The following IQSEC1 variants were observed in gnomAD, a reference collection of about 807,000 sequenced individuals.
IQSEC1 encodes the protein IQ motif and Sec7 domain ArfGEF 1.
IQSEC1 carries 31 observed loss-of-function variants against 91.0 expected under a neutral mutation model. That is an observed-to-expected ratio of 0.34 (90% confidence interval 0.26 to 0.46). The LOEUF (loss-of-function observed/expected upper bound fraction) is 0.46. Ranked by LOEUF, IQSEC1 falls within the 20% of genes least tolerant of loss-of-function variation. The pLI is 1.00. For missense variants in IQSEC1, 1,388 were observed against 1,575.6 expected (o/e 0.88, Z 2.02); for synonymous variants, 699 against 662.6 (o/e 1.05, Z -0.84).
rs528935943 is a variant in IQSEC1 at position 13,041,273 on chromosome 3, G to A, written c.23+31719C>T. 3.5e-4 allele frequency among the ~76,000 whole-genome samples: 54 copies of A among 152,204 alleles called. 2 individuals are homozygous for A. The South Asian group carries it at 7.9e-3, about 22-fold the overall frequency. On this transcript the variant is annotated intron_variant, in intron 1 of 13. Transcript: ENST00000613206. ...CAGCGCTCAGGGCCCACTGGGTGTC[G>A]GGCTCCTCTCTGATGTGGCTTGCAC...
At chr3:13,115,853 C>A (rs1015762402) in intron 2 of IQSEC1, among the ~76,000 whole-genome samples, 3 of 152,216 alleles carry the variant, frequency 2.0e-5, no homozygotes, top group African/African-American at 7.2e-5. Context: ...GCCCTGAGCC[C>A]CCAGTGGACC....
At chr3:13,202,844 G>A (rs1694268740) in intron 1 of IQSEC1, among the ~76,000 whole-genome samples, 1 of 152,188 alleles carries the variant, frequency 6.6e-6, no homozygotes. Context: ...TGTGAGGGCT[G>A]GAAAGAGTCA....
At chr3:13,002,345 A>C (rs1195714150) in intron 1 of IQSEC1, among the ~76,000 whole-genome samples, 2 of 152,218 alleles carry the variant, frequency 1.3e-5, no homozygotes, top group Admixed American at 6.5e-5. Flanking sequence ...ATTGGACTTC[A>C]TGAAAATTAA....
chr3:13,238,185 C>A (rs538572695), intron 1 of IQSEC1, among the ~76,000 whole-genome samples: 201 of 152,326 alleles, frequency 1.3e-3, no homozygotes, highest in Non-Finnish European at 2.5e-3. Context: ...GACACATCAG[C>A]CCACGGCGGT....
chr3:12,902,867 CTG>C lies in IQSEC1; in HGVS notation c.2756-47_2756-46del, dbSNP rs796083475. On this transcript the variant is annotated intron_variant, in intron 12 of 13. Transcript: ENST00000613206. Reference sequence around the variant, plus strand: ...CCAGAAGTTAGACGCGGACATGAGGCTGGGGGTGCTGCCTGCCTGGTGCCACG... The same window carrying C: ...CCAGAAGTTAGACGCGGACATGAGGCGGGGTGCTGCCTGCCTGGTGCCACG... 5.5e-6 allele frequency: 8 copies of C among 1,448,698 alleles called. No individual in the cohort carries two copies. The African/African-American group carries it at 8.4e-5, about 15-fold the overall frequency. The allele number at this position is 1,448,698 out of a possible 1,614,324, so 89.7% of individuals were successfully genotyped here. A position where few individuals can be genotyped will look rare whatever the true frequency, so the allele number is the denominator to read the frequency against.
chr3:13,135,154 G>A (rs1222913729), intron 2 of IQSEC1, among the ~76,000 whole-genome samples: 1 of 152,234 alleles, frequency 6.6e-6, no homozygotes, highest in Non-Finnish European at 1.5e-5. Context: ...AATGCGGGCT[G>A]CCTTATAGGC....
At chr3:13,222,780 A>AGG (rs1474212753) in intron 1 of IQSEC1, among the ~76,000 whole-genome samples, 1 of 152,200 alleles carries the variant, frequency 6.6e-6, no homozygotes, top group East Asian at 1.9e-4. Flanking sequence ...CAATGAGCTC[A>AGG]GGACCCACAA....
At chr3:13,252,469 T>A (rs1474923850) in intron 1 of IQSEC1, among the ~76,000 whole-genome samples, 1 of 152,248 alleles carries the variant, frequency 6.6e-6, no homozygotes, top group Non-Finnish European at 1.5e-5. Context: ...GTTGCTTCCA[T>A]CTTTTGGCTG....
In IQSEC1 at chr3:13,008,845, C is replaced by T. The variant is rs1702750420; in HGVS notation, c.23+64147G>A. ...CAGCTAACCCAGTGGGAACCAGACA[C>T]GCTGGCAAACCCCATCCCACGGGCT... On this transcript the variant is annotated intron_variant, in intron 1 of 13. Transcript: ENST00000613206. This position sits in a 1 kb window ranked among gnomAD's most constrained non-coding sequence, Gnocchi z 4.1. 6.6e-6 allele frequency among the ~76,000 whole-genome samples: 1 copy of T among 152,220 alleles called. No homozygotes were observed. The highest frequency in any genetic ancestry group is 2.4e-5 in the African/African-American group (1 of 41,454).
chr3:13,047,538 C>T (rs1233803739), intron 1 of IQSEC1: 51 of 984,444 alleles, frequency 5.2e-5, no homozygotes, highest in Admixed American at 1.2e-4. Flanking sequence ...GTGGCAAAAG[C>T]GAGACAGGGT....
intron 1 of IQSEC1, among the ~76,000 whole-genome samples, chr3:13,254,250 C>T (rs1255780927): frequency 6.6e-6 from 1 of 152,230 alleles, no homozygotes; most frequent in East Asian, 1.9e-4. Flanking sequence ...TGAACCGAGC[C>T]CGCTCCCCAT....
At chr3:12,923,865 G>T (rs1239960610) in intron 4 of IQSEC1, among the ~76,000 whole-genome samples, 2 of 152,236 alleles carry the variant, frequency 1.3e-5, no homozygotes, top group Non-Finnish European at 2.9e-5. Flanking sequence ...ACTTCACCCT[G>T]CTCTGAGTGC....
At chr3:13,230,065 T>C (rs1694817578) in intron 1 of IQSEC1, among the ~76,000 whole-genome samples, 1 of 152,240 alleles carries the variant, frequency 6.6e-6, no homozygotes, top group Non-Finnish European at 1.5e-5. Flanking sequence ...ATAAACTTTA[T>C]TTCTCAACAT....
At chr3:12,954,004 T>C (rs1458053331) in intron 1 of IQSEC1, among the ~76,000 whole-genome samples, 2 of 152,234 alleles carry the variant, frequency 1.3e-5, no homozygotes, top group Non-Finnish European at 2.9e-5. Context: ...TGGCTGGTTC[T>C]CATCAGCGCG....
rs368925086 is a variant in IQSEC1, at chr3:12,940,362, G to A, written c.318+1209C>T. On this transcript the variant is annotated intron_variant, in intron 2 of 13. Coordinates refer to ENST00000613206, the MANE Select transcript of IQSEC1 (RefSeq NM_001134382.3). This position sits in a 1 kb window ranked among gnomAD's most constrained non-coding sequence, Gnocchi z 4.4. ...AACTCTACTCCTTAAAGGACAAAAA[G>A]GGGAGCAACTTGAATCTATACTCCC... Among the ~76,000 whole-genome samples, 4 of 152,124 alleles carry A rather than the reference G, an allele frequency of 2.6e-5. No homozygotes were observed. The highest frequency in any genetic ancestry group is 1.3e-4 in the Admixed American group (2 of 15,292).
At chr3:12,905,047 C>T (rs1231011652) in intron 12 of IQSEC1, among the ~76,000 whole-genome samples, 6 of 152,214 alleles carry the variant, frequency 3.9e-5, no homozygotes, top group African/African-American at 1.4e-4. Flanking sequence ...AGTCCTAGAG[C>T]CCTGTGCTCA....
intron 1 of IQSEC1, among the ~76,000 whole-genome samples, chr3:12,977,849 G>A (rs1471225084): frequency 6.6e-6 from 1 of 152,218 alleles, no homozygotes; most frequent in Non-Finnish European, 1.5e-5. Context: ...CCCAGTGGAA[G>A]GAAGACCTGA....
chr3:12,973,877 C>T (rs1701027002), intron 1 of IQSEC1, among the ~76,000 whole-genome samples: 1 of 152,132 alleles, frequency 6.6e-6, no homozygotes, highest in South Asian at 2.1e-4. Flanking sequence ...CATGTGGGGA[C>T]ACATCCAAGA....
intron 2 of IQSEC1, among the ~76,000 whole-genome samples, chr3:13,096,035 C>G (rs547830082): frequency 1.3e-5 from 2 of 152,340 alleles, no homozygotes; most frequent in Non-Finnish European, 2.9e-5. Flanking sequence ...TCCTTGGTTC[C>G]TCCTGCCTCA....
Sources: allele counts gnomAD v4.1 joint callset (sites outside exome capture counted in the v4.1 genomes callset), GRCh38; gene constraint gnomAD v4.1.1; non-coding constraint Gnocchi (gnomAD v3.1); transcripts MANE v1.5; gene names NCBI Gene and HGNC (gene_info 2026-07-23, HGNC 2026-07-21).